GYS1: variants seen among roughly 807,000 people sequenced by gnomAD.
GYS1 encodes the protein glycogen [starch] synthase, muscle.
In GYS1, 60 loss-of-function variants were observed where a neutral mutation model predicts 89.1. The ratio of observed to expected loss-of-function variants is 0.67; its 90% CI spans 0.55 to 0.84. The LOEUF is 0.84. GYS1 is among the 40% of genes least tolerant of loss of function. The pLI is 0.00. For synonymous variants in GYS1, 366 were observed against 401.7 expected, an observed-to-expected ratio of 0.91 and a Z score of 1.06; for missense variants, 888 against 1,003.1, an observed-to-expected ratio of 0.89 and a Z score of 1.55.
At chr19:48,984,799 T>C (rs1183040699) in intron 5 of GYS1, among the ~76,000 whole-genome samples, 2 of 151,898 alleles carry the variant, frequency 1.3e-5, no homozygotes, top group African/African-American at 2.4e-5. Context: ...GAGAATGGCA[T>C]GAACCTGGGA....
intron 2 of GYS1, among the ~76,000 whole-genome samples, chr19:48,990,011 G>GGGC (rs1555800168): frequency 1.3e-5 from 2 of 150,564 alleles, no homozygotes; most frequent in Non-Finnish European, 3.0e-5. Flanking sequence ...GGGGGGGGGG[G>GGGC]GGCTATTCTT....
Position 48,982,740 on chromosome 19 carries a change from A to T in GYS1, c.921T>A (p.Phe307Leu). The T allele has an allele frequency of 6.2e-7, 1 of 1,612,712 alleles. No individual in the cohort carries two copies. The highest frequency in any genetic ancestry group is 8.5e-7 in the Non-Finnish European group (1 of 1,178,742). The part of the protein sequence containing the change: ...HAQSKARIQE[F>L]VRGHFYGHLD... ...CGTACCCATAAAAATGGCCCCGCAC[A>T]AACTCCTGGATTCGAGCCTTGCTCT... Residue 307 changes from phenylalanine to leucine, a missense_variant, in exon 6 of 16, where the codon TTT becomes TTA. By Grantham distance (22) the Phe-to-Leu change is conservative (BLOSUM62 0). Coordinates refer to ENST00000323798, the MANE Select transcript of GYS1 (RefSeq NM_002103.5).
In GYS1 at chr19:48,985,513, A is replaced by G. The variant is rs753974402; in HGVS notation, c.771T>C (p.Thr257=). The change falls in exon 5 of 16, where the codon ACT becomes ACC. Residue 257 remains threonine (T), a synonymous_variant. Transcript: ENST00000323798. The stretch of plus-strand genomic sequence containing the variant: ...CCTCGATGGCGGTGATCTGGGACAC[A>G]GTAGTGAAGACGTGAGCGCAGTGGG... ...AAAHCAHVFT[T]VSQITAIEAQ... 9.3e-6 allele frequency: 15 copies of G among 1,614,046 alleles called. No homozygotes were observed. The highest frequency in any genetic ancestry group is 1.3e-5 in the Non-Finnish European group (15 of 1,180,008).
At chr19:48,989,533 C>T (rs1027122443) in intron 2 of GYS1, among the ~76,000 whole-genome samples, 3 of 151,536 alleles carry the variant, frequency 2.0e-5, no homozygotes, top group African/African-American at 7.3e-5. Context: ...ATCCCATCCT[C>T]CCACCTCAGC....
Position 48,970,660 on chromosome 19 carries a change from C to T in GYS1, c.1695G>A (p.Ser565=). The change falls in exon 14 of 16, where the codon TCG becomes TCA. Residue 565 remains serine, a synonymous_variant. Transcript: ENST00000323798. The part of the protein sequence containing the change: ...RRFRSLDDSC[S]QLTSFLYSFC... ...AACTGTAGAGGAAGGAGGTGAGCTG[C>T]GAGCAGGAATCATCCAGGCTGCGGA... 6.2e-7 allele frequency: 1 copy of T among 1,613,908 alleles called. No individual in the cohort carries two copies. Among genetic ancestry groups the T allele is most frequent in the Non-Finnish European group, 8.5e-7 (1 of 1,179,938 alleles).
chr19:48,985,524 C>T lies in GYS1; in HGVS notation c.760G>A (p.Val254Ile), dbSNP rs757728625. The T allele has an allele frequency of 4.3e-6, 7 of 1,613,946 alleles. No homozygotes were observed. The highest frequency in any genetic ancestry group is 2.2e-5 in the South Asian group (2 of 91,080). ...GTGATCTGGGACACAGTAGTGAAGA[C>T]GTGAGCGCAGTGGGCTGCCGCCCTT... The part of the protein sequence containing the change: ...MERAAAHCAH[V>I]FTTVSQITAI... Residue 254 changes from valine (V) to isoleucine (I), a missense_variant, in exon 5 of 16, where the codon GTC becomes ATC. Physicochemically the swap from Val to Ile is conservative, Grantham distance 29. Coordinates refer to ENST00000323798, the MANE Select transcript of GYS1 (RefSeq NM_002103.5).
In GYS1 at chr19:48,991,527, T is replaced by C; in HGVS notation, c.119-44A>G. 1.2e-6 allele frequency: 2 copies of C among 1,605,490 alleles called. No homozygotes were observed. Among genetic ancestry groups the C allele is most frequent in the Non-Finnish European group, 8.5e-7 (1 of 1,173,324 alleles). On this transcript the variant is annotated intron_variant, in intron 1 of 15. Coordinates refer to ENST00000323798, the MANE Select transcript of GYS1 (RefSeq NM_002103.5). The surrounding 1 kb of genome is among the most constrained non-coding windows in gnomAD (Gnocchi z 4.7). ...GAGGGCAGGCCCCGGCCGAGGTCCA[T>C]AGTTCTGGGGCCTGGGGTGGGGTGG...
intron 5 of GYS1, among the ~76,000 whole-genome samples, chr19:48,984,682 C>T (rs2038814538): frequency 6.6e-6 from 1 of 152,128 alleles, no homozygotes; most frequent in Admixed American, 6.5e-5. Flanking sequence ...GTGTGAGCCA[C>T]TGCGCCCAGC....
Position 48,991,427 on chromosome 19 carries a change from C to T in GYS1, c.175G>A (p.Gly59Ser). 6.2e-7 allele frequency: 1 copy of T among 1,614,184 alleles called. No individual in the cohort carries two copies. The highest frequency in any genetic ancestry group is 8.5e-7 in the Non-Finnish European group (1 of 1,180,048). ...GGCCCCACCAGGAAGTAGTTGTCGC[C>T]CCATTCGTCCCCTGTCACCTTCGCC... ...TKAKVTGDEW[G>S]DNYFLVGPYT... Residue 59 changes from glycine to serine, a missense_variant, in exon 2 of 16, where the codon GGC (glycine) becomes AGC (serine). By Grantham distance (56) the Gly-to-Ser change is moderately conservative. Transcript: ENST00000323798. The surrounding 1 kb of genome is among the most constrained non-coding windows in gnomAD (Gnocchi z 4.7).
intron 2 of GYS1, among the ~76,000 whole-genome samples, chr19:48,990,000 G>T (rs1347201142): frequency 7.6e-6 from 1 of 131,262 alleles, no homozygotes; most frequent in South Asian, 2.3e-4. Flanking sequence ...CCTTTTGCTG[G>T]GGGGGGGGGG....
chr19:48,981,955 T>C (rs372835452), intron 7 of GYS1, among the ~76,000 whole-genome samples: 360 of 152,250 alleles, frequency 2.4e-3, no homozygotes, highest in African/African-American at 8.0e-3. Context: ...TGCAGTGATA[T>C]GATCTTGGCT....
intron 10 of GYS1, among the ~76,000 whole-genome samples, chr19:48,976,373 T>C (rs908873271): frequency 6.6e-6 from 1 of 151,860 alleles, no homozygotes; most frequent in Non-Finnish European, 1.5e-5. Flanking sequence ...AAGGGAAGCG[T>C]CAATGCCCCA....
In GYS1 at chr19:48,969,782, G is replaced by A. The variant is rs371546215; in HGVS notation, c.1883C>T (p.Ala628Val). The A allele has an allele frequency of 5.6e-6, 9 of 1,613,602 alleles. No individual in the cohort carries two copies. Among genetic ancestry groups the A allele is most frequent in the Middle Eastern group, 1.6e-4 (1 of 6,062 alleles). ...AATCCAGGGTCCACTCACCGCATCC[G>A]CCTCGTTGGGCTCGTAGGTGAAGTG... Reference protein sequence around the residue: ...PEHFTYEPNEADAAQGYRYPR... With the variant: ...PEHFTYEPNEVDAAQGYRYPR... Residue 628 changes from alanine (A) to valine (V), a missense_variant, in exon 15 of 16, where the codon GCG becomes GTG. Coordinates refer to ENST00000323798, the MANE Select transcript of GYS1 (RefSeq NM_002103.5).
At position 48,991,253 on chromosome 19, in the gene GYS1, G is replaced by A. The variant is rs552463911; in HGVS notation, c.300+49C>T. 58 of 1,587,368 alleles carry A rather than the reference G, an allele frequency of 3.7e-5. No individual in the cohort carries two copies. The highest frequency in any genetic ancestry group is 2.1e-4 in the African/African-American group (16 of 74,636). On this transcript the variant is annotated intron_variant, in intron 2 of 15. Coordinates refer to ENST00000323798, the MANE Select transcript of GYS1 (RefSeq NM_002103.5). The surrounding 1 kb of genome is among the most constrained non-coding windows in gnomAD (Gnocchi z 4.7). ...CCTCTCCGTCTGTGGCTCCCACCCC[G>A]ATGGCAGGCTGTCCACCCGCTTCTG...
intron 12 of GYS1, among the ~76,000 whole-genome samples, chr19:48,971,427 G>A (rs1189428712): frequency 1.3e-5 from 2 of 151,826 alleles, no homozygotes; most frequent in Non-Finnish European, 2.9e-5. Context: ...TTTGATGGGG[G>A]GTAAGATAAG....
In GYS1 at chr19:48,969,189, C is replaced by T; in HGVS notation, c.*99G>A. ...GGGTGGGGGCACTGCGGGGCCACAC[C>T]CAGTGCAGATCTGGAGCGGGGGTTT... On this transcript the variant is annotated 3_prime_UTR_variant, in exon 16 of 16. Transcript: ENST00000323798. 8.9e-7 allele frequency: 1 copy of T among 1,119,674 alleles called. No homozygotes were observed. The highest frequency in any genetic ancestry group is 1.3e-6 in the Non-Finnish European group (1 of 790,722). The allele number at this position is 1,119,674 out of a possible 1,614,324, so 69.4% of individuals were successfully genotyped here. A position where few individuals can be genotyped will look rare whatever the true frequency, so the allele number is the denominator to read the frequency against.
At chr19:48,988,059 C>T (rs2038869464) in intron 2 of GYS1, among the ~76,000 whole-genome samples, 1 of 152,214 alleles carries the variant, frequency 6.6e-6, no homozygotes, top group Non-Finnish European at 1.5e-5. Flanking sequence ...GCCTCGGCGT[C>T]CCAAAGTGCT....
At chr19:48,971,170 C>G (rs2038560182) in intron 12 of GYS1, 147 bp from the exon 13 acceptor site, 2 of 702,770 alleles carry the variant, frequency 2.8e-6, no homozygotes, top group African/African-American at 1.8e-5. Flanking sequence ...CACAACCAGG[C>G]TGTGCATTTC....
chr19:48,975,233 A>AT (rs554660546), intron 10 of GYS1, among the ~76,000 whole-genome samples: 6,737 of 134,826 alleles, frequency 0.05, 215 homozygotes, highest in African/African-American at 0.08. Flanking sequence ...GCTCAGCCTA[A>AT]TTTTTTTTTT....
Sources: allele counts gnomAD v4.1 joint callset (sites outside exome capture counted in the v4.1 genomes callset), GRCh38; gene constraint gnomAD v4.1.1; non-coding constraint Gnocchi (gnomAD v3.1); transcripts MANE v1.5; gene names NCBI Gene and HGNC (gene_info 2026-07-23, HGNC 2026-07-21).